Variants in PTPRM observed in about 807,000 individuals in gnomAD.
The protein encoded by PTPRM is protein tyrosine phosphatase receptor type M, also known as receptor-type tyrosine-protein phosphatase mu.
PTPRM carries 47 observed loss-of-function variants against 186.7 expected under a neutral mutation model. The observed-to-expected ratio is 0.25, with a 90% CI of 0.20 to 0.32. The LOEUF is 0.32. Ranked by LOEUF, PTPRM falls within the 10% of genes least tolerant of loss-of-function variation. PTPRM has a pLI of 1.00. For missense variants in PTPRM, 1,494 were observed against 1,865.0 expected, an observed-to-expected ratio of 0.80 and a Z score of 3.66; for synonymous variants, 668 against 674.9, an observed-to-expected ratio of 0.99 and a Z score of 0.16.
intron 1 of PTPRM, among the ~76,000 whole-genome samples, chr18:7,604,089 T>G (rs1367414316): frequency 6.6e-6 from 1 of 152,244 alleles, no homozygotes; most frequent in Non-Finnish European, 1.5e-5. Context: ...ATCAGTGTAG[T>G]TACTGGGAAT....
At chr18:7,673,661 G>A (rs943585576) in intron 1 of PTPRM, among the ~76,000 whole-genome samples, 1 of 152,148 alleles carries the variant, frequency 6.6e-6, no homozygotes, top group African/African-American at 2.4e-5. Context: ...TTTTCCAAAG[G>A]AAGAGAATAA....
intron 2 of PTPRM, among the ~76,000 whole-genome samples, chr18:7,832,436 T>A (rs1241070282): frequency 6.6e-6 from 1 of 150,656 alleles, no homozygotes; most frequent in Admixed American, 6.8e-5. Context: ...TTTTGAGACG[T>A]GTCTATTAAA....
At chr18:8,046,713 G>T (rs1337793067) in intron 7 of PTPRM, among the ~76,000 whole-genome samples, 1 of 152,058 alleles carries the variant, frequency 6.6e-6, no homozygotes, top group Non-Finnish European at 1.5e-5. Flanking sequence ...TTCCTCACAA[G>T]AAGATCTAGT....
intron 14 of PTPRM, among the ~76,000 whole-genome samples, chr18:8,213,685 A>G (rs1463587783): frequency 6.6e-6 from 1 of 152,148 alleles, no homozygotes; most frequent in Non-Finnish European, 1.5e-5. Context: ...ACTGGATGAA[A>G]TTATGACCTC....
At chr18:7,607,707 T>G (rs2037567992) in intron 1 of PTPRM, among the ~76,000 whole-genome samples, 1 of 152,220 alleles carries the variant, frequency 6.6e-6, no homozygotes, top group Admixed American at 6.5e-5. Flanking sequence ...CTGTGATACG[T>G]GCTAGGCTGC....
At chr18:7,667,776 C>T (rs971132108) in intron 1 of PTPRM, among the ~76,000 whole-genome samples, 6 of 151,856 alleles carry the variant, frequency 4.0e-5, no homozygotes, top group Non-Finnish European at 7.4e-5. Context: ...TGGTTTGCCT[C>T]GGAAAGATTT....
intron 1 of PTPRM, among the ~76,000 whole-genome samples, chr18:7,690,919 T>C (rs2144643780): frequency 6.6e-6 from 1 of 152,302 alleles, no homozygotes; most frequent in Non-Finnish European, 1.5e-5. Flanking sequence ...ATTATATGTA[T>C]ATTGAGTTCT....
intron 1 of PTPRM, among the ~76,000 whole-genome samples, chr18:7,602,639 C>T (rs914748239): frequency 2.6e-5 from 4 of 151,462 alleles, no homozygotes; most frequent in Admixed American, 2.0e-4. Flanking sequence ...GTTTTCAAGA[C>T]TGTGGCAATG....
At chr18:7,775,111 A>G (rs2042516582) in intron 2 of PTPRM, among the ~76,000 whole-genome samples, 5 of 152,272 alleles carry the variant, frequency 3.3e-5, no homozygotes, top group Admixed American at 3.3e-4. Flanking sequence ...AATTACACTT[A>G]GTAAGTAATC....
chr18:8,217,135 A>G (rs748293429), intron 14 of PTPRM, among the ~76,000 whole-genome samples: 7 of 152,242 alleles, frequency 4.6e-5, no homozygotes, highest in Non-Finnish European at 8.8e-5. Flanking sequence ...AAGTTGGAAC[A>G]TGCTGGCTTG....
chr18:7,618,784 T>C (rs1386702545), intron 1 of PTPRM, among the ~76,000 whole-genome samples: 2 of 152,248 alleles, frequency 1.3e-5, no homozygotes, highest in East Asian at 3.8e-4. Flanking sequence ...TTAAGCTTTT[T>C]CTATTCTGCA....
At chr18:8,008,521 G>T (rs2084325529) in intron 7 of PTPRM, among the ~76,000 whole-genome samples, 1 of 152,158 alleles carries the variant, frequency 6.6e-6, no homozygotes, top group African/African-American at 2.4e-5. Context: ...GCTCTTGAAT[G>T]CCTTAGTTCA....
At chr18:7,780,857 C>T (rs1286076704) in intron 2 of PTPRM, among the ~76,000 whole-genome samples, 1 of 152,078 alleles carries the variant, frequency 6.6e-6, no homozygotes, top group Non-Finnish European at 1.5e-5. Flanking sequence ...CCTGTCAAGA[C>T]CAAGAGGCCA....
At chr18:8,006,754 G>A (rs1041969393) in intron 7 of PTPRM, among the ~76,000 whole-genome samples, 19 of 152,120 alleles carry the variant, frequency 1.2e-4, no homozygotes, top group African/African-American at 4.6e-4. Context: ...TGTCTTCCCT[G>A]GTGTCACCCA....
At chr18:8,232,006 C>T (rs374382968) in intron 14 of PTPRM, among the ~76,000 whole-genome samples, 3 of 152,176 alleles carry the variant, frequency 2.0e-5, no homozygotes, top group East Asian at 1.9e-4. Context: ...TAATGACAGG[C>T]ATCCTTCATT....
intron 1 of PTPRM, among the ~76,000 whole-genome samples, chr18:7,731,857 A>T (rs1256177006): frequency 2.6e-5 from 4 of 152,224 alleles, no homozygotes; most frequent in Non-Finnish European, 4.4e-5. Flanking sequence ...TCTCCAACCT[A>T]CTAACATTAG....
chr18:7,594,505 A>G (rs2037206090), intron 1 of PTPRM, among the ~76,000 whole-genome samples: 1 of 151,634 alleles, frequency 6.6e-6, no homozygotes, highest in Non-Finnish European at 1.5e-5. Flanking sequence ...AACCAAACAA[A>G]CAAAAAAAAG....
chr18:8,400,336 A>T (rs2095865481), intron 32 of PTPRM, among the ~76,000 whole-genome samples: 2 of 152,210 alleles, frequency 1.3e-5, no homozygotes, highest in Admixed American at 1.3e-4. Flanking sequence ...GGTGAGTCTC[A>T]TGTGCAGCCT....
chr18:7,637,219 T>C (rs1349180741), intron 1 of PTPRM, among the ~76,000 whole-genome samples: 1 of 151,534 alleles, frequency 6.6e-6, no homozygotes, highest in Non-Finnish European at 1.5e-5. Context: ...TGTATCTGGC[T>C]AAGTAAAATG....
Sources: allele counts gnomAD v4.1 joint callset (sites outside exome capture counted in the v4.1 genomes callset), GRCh38; gene constraint gnomAD v4.1.1; transcripts MANE v1.5; gene names NCBI Gene and HGNC (gene_info 2026-07-23, HGNC 2026-07-21).